The following KCNJ18 variants were observed in gnomAD, a reference collection of about 807,000 sequenced individuals.
The protein encoded by KCNJ18 is inward rectifier potassium channel 18.
KCNJ18 carries 16 observed loss-of-function variants against 17.3 expected under a neutral mutation model. The observed-to-expected ratio is 0.92, with a 90% confidence interval of 0.62 to 1.40. The LOEUF (loss-of-function observed/expected upper bound fraction) is 1.40, where lower values mean the gene tolerates loss of function less well. Among genes scored for constraint, KCNJ18 ranks in the 40% most tolerant of loss-of-function variants. The pLI, the probability that KCNJ18 is intolerant of heterozygous loss-of-function variation, is 0.00. For missense variants in KCNJ18, 462 were observed against 626.8 expected, an observed-to-expected ratio of 0.74 and a Z score of 2.81; for synonymous variants, 185 against 262.6, an observed-to-expected ratio of 0.70 and a Z score of 2.86.
In KCNJ18 at chr17:21,704,275, C is replaced by T; in HGVS notation, c.*187C>T. On this transcript the variant is annotated 3_prime_UTR_variant, in exon 3 of 3. Coordinates refer to ENST00000567955, the MANE Select transcript of KCNJ18 (RefSeq NM_001194958.2). ...GCCGGAGAGGGGGCAGCCAGAGCGGCAGCCCCCGGCCTCAGAGGCTATCAC... is the reference window on the plus strand; with the variant it reads ...GCCGGAGAGGGGGCAGCCAGAGCGGTAGCCCCCGGCCTCAGAGGCTATCAC... The T allele has an allele frequency of 1.4e-6, 1 of 718,058 alleles. No homozygotes were observed. The highest frequency in any genetic ancestry group is 2.2e-6 in the Non-Finnish European group (1 of 449,236). 44.5% of individuals were successfully genotyped at this position (718,058 alleles called of 1,614,324 possible).
At chr17:21,694,204 C>G (rs1440967735) in intron 1 of KCNJ18, among the ~76,000 whole-genome samples, 1 of 129,966 alleles carries the variant, frequency 7.7e-6, no homozygotes, top group Non-Finnish European at 1.7e-5. Context: ...AAACCAGCCT[C>G]GGCTGTAACC....
intron 1 of KCNJ18, among the ~76,000 whole-genome samples, chr17:21,693,301 G>A (rs1318538436): frequency 3.9e-5 from 6 of 152,290 alleles, no homozygotes; most frequent in Admixed American, 6.5e-5. Context: ...CCTGTGTAGA[G>A]TAGAGCTAAT....
Position 21,702,719 on chromosome 17 carries a change from T to C in KCNJ18, c.-56-12T>C. The C allele has an allele frequency of 2.0e-6, 3 of 1,511,490 alleles. No homozygotes were observed. The highest frequency in any genetic ancestry group is 2.7e-6 in the Non-Finnish European group (3 of 1,125,206). The allele number at this position is 1,511,490 out of a possible 1,614,324, so 93.6% of individuals were successfully genotyped here. A position where few individuals can be genotyped will look rare whatever the true frequency, so the allele number is the denominator to read the frequency against. On this transcript the variant is annotated splice_polypyrimidine_tract_variant and intron_variant, in intron 2 of 2. Coordinates refer to ENST00000567955, the MANE Select transcript of KCNJ18 (RefSeq NM_001194958.2). ...ACCAGCCCAGCCAGACATGCTGTCC[T>C]CTCTGTTCCAGGAGCCGCCCTGCCT...
intron 2 of KCNJ18, among the ~76,000 whole-genome samples, chr17:21,699,657 T>G (rs1905873374): frequency 6.6e-6 from 1 of 152,298 alleles, no homozygotes; most frequent in South Asian, 2.1e-4. Flanking sequence ...GAACTTGACC[T>G]TGTTGATGCT....
chr17:21,694,590 A>G (rs1442737276), intron 1 of KCNJ18, among the ~76,000 whole-genome samples: 8,970 of 149,256 alleles, frequency 0.06, 618 homozygotes, highest in African/African-American at 0.21. Flanking sequence ...CCATCCATCT[A>G]TCCATCTACC....
chr17:21,693,321 C>T (rs1416752479), intron 1 of KCNJ18, among the ~76,000 whole-genome samples: 6 of 152,388 alleles, frequency 3.9e-5, no homozygotes, highest in Middle Eastern at 3.4e-3. Flanking sequence ...TTTTGCCTTC[C>T]TCCTAGATAA....
chr17:21,693,412 G>C (rs1254573239), intron 1 of KCNJ18, among the ~76,000 whole-genome samples: 1 of 152,312 alleles, frequency 6.6e-6, no homozygotes, highest in African/African-American at 2.4e-5. Flanking sequence ...GGGAGAGCCT[G>C]GTGCAAGCCA....
chr17:21,703,153 T>C lies in KCNJ18; in HGVS notation c.367T>C (p.Cys123Arg), dbSNP rs1327396371. ...GGCTGAGGGCCACGGCCGCACACCC[T>C]GTGTGATGCAGGTGCACGGCTTCAT... ...EPAEGHGRTP[C>R]VMQVHGFMAA... The change falls in exon 3 of 3, where the codon TGT (cysteine) becomes CGT (arginine). Residue 123 changes from cysteine to arginine, a missense_variant. This residue lies in a region of KCNJ18 where 237 missense variants were observed against 259.4 expected (regional missense o/e 0.91). Transcript: ENST00000567955. The C allele has an allele frequency of 5.0e-6, 8 of 1,610,882 alleles. No homozygotes were observed. The African/African-American group carries it at 5.3e-5, about 11-fold the overall frequency.
In KCNJ18 at chr17:21,703,563, G is replaced by C; in HGVS notation, c.777G>C (p.Leu259=). 6.2e-7 allele frequency: 1 copy of C among 1,612,520 alleles called. No individual in the cohort carries two copies. The highest frequency in any genetic ancestry group is 8.5e-7 in the Non-Finnish European group (1 of 1,179,422). ...TCGATGTGGGCTTCGACAAGGGCCT[G>C]GACCGCATCTTTCTGGTGTCGCCCA... ...IDIDVGFDKG[L]DRIFLVSPIT... is the part of the protein sequence containing the mutation. Residue 259 remains leucine (L), a synonymous_variant, in exon 3 of 3, where the codon CTG becomes CTC. Transcript: ENST00000567955.
At position 21,692,603 on chromosome 17, in the gene KCNJ18, T is replaced by A. The variant is rs1905631816; in HGVS notation, c.-290T>A. 6.6e-6 allele frequency: 1 copy of A among 152,342 alleles called. No homozygotes were observed. The highest frequency in any genetic ancestry group is 2.4e-5 in the African/African-American group (1 of 41,488). The allele number at this position is 152,342 out of a possible 1,614,324, so 9.4% of individuals were successfully genotyped here. A position where few individuals can be genotyped will look rare whatever the true frequency, so the allele number is the denominator to read the frequency against. ...GTTTCTGCTTTCAGTGCCTACGTGG[T>A]GTCAGGAACGCCGGTCACAGTGAAC... On this transcript the variant is annotated 5_prime_UTR_variant, in exon 1 of 3. Coordinates refer to ENST00000567955, the MANE Select transcript of KCNJ18 (RefSeq NM_001194958.2).
At chr17:21,700,624 C>T (rs1196784036) in intron 2 of KCNJ18, among the ~76,000 whole-genome samples, 5 of 111,080 alleles carry the variant, frequency 4.5e-5, no homozygotes, top group Non-Finnish European at 9.6e-5. Flanking sequence ...TGCTCCGAGG[C>T]CCAGACTAGT....
At position 21,703,582 on chromosome 17, in the gene KCNJ18, T is replaced by C. The variant is rs1906053762; in HGVS notation, c.796T>C (p.Ser266Pro). 2.5e-6 allele frequency: 4 copies of C among 1,612,852 alleles called. No individual in the cohort carries two copies. The highest frequency in any genetic ancestry group is 2.5e-6 in the Non-Finnish European group (3 of 1,179,496). ...GGGCCTGGACCGCATCTTTCTGGTG[T>C]CGCCCATCACCATCTTGCATGAAAT... ...DKGLDRIFLV[S>P]PITILHEIDE... Residue 266 changes from serine (S) to proline (P), a missense_variant, in exon 3 of 3, where the codon TCG becomes CCG. Physicochemically the swap from Ser to Pro is moderately conservative, Grantham distance 74 (BLOSUM62 -1). This residue lies in a region of KCNJ18 where 55 missense variants were observed against 69.1 expected (regional missense o/e 0.80). Coordinates refer to ENST00000567955, the MANE Select transcript of KCNJ18 (RefSeq NM_001194958.2).
chr17:21,696,945 A>G (rs1444680078), intron 2 of KCNJ18, among the ~76,000 whole-genome samples: 2 of 152,212 alleles, frequency 1.3e-5, no homozygotes, highest in Admixed American at 6.5e-5. Flanking sequence ...GGTGAGAAAG[A>G]GAAGGAAGTG....
intron 2 of KCNJ18, among the ~76,000 whole-genome samples, chr17:21,699,663 A>G (rs1207025768): frequency 6.6e-6 from 1 of 152,298 alleles, no homozygotes; most frequent in Non-Finnish European, 1.5e-5. Flanking sequence ...GACCTTGTTG[A>G]TGCTCTCTGT....
chr17:21,701,719 T>C (rs1597757340), intron 2 of KCNJ18, among the ~76,000 whole-genome samples: 1 of 152,208 alleles, frequency 6.6e-6, no homozygotes, highest in Non-Finnish European at 1.5e-5. Context: ...GAGACCAGCC[T>C]GGCCAACATG....
In KCNJ18 at chr17:21,703,631, G is replaced by T. The variant is rs2142273778; in HGVS notation, c.845G>T (p.Gly282Val). 8.1e-6 allele frequency: 13 copies of T among 1,610,112 alleles called. No homozygotes were observed. In the East Asian group the frequency reaches 2.9e-4, roughly 36 times the overall value. ...ATTGACGAGGCCAGCCCGCTCTTCGGCATCAGCCGGCAGGACCTGGAGACG... is the reference window on the plus strand; with the variant it reads ...ATTGACGAGGCCAGCCCGCTCTTCGTCATCAGCCGGCAGGACCTGGAGACG... ...HEIDEASPLFGISRQDLETDD... is the reference protein window; with the variant it reads ...HEIDEASPLFVISRQDLETDD... The change falls in exon 3 of 3, where the codon GGC becomes GTC. Residue 282 changes from glycine to valine, a missense_variant. Around this residue, in one of 5 missense-constraint regions of KCNJ18, gnomAD observed 55 missense variants for 69.1 expected, o/e 0.80. Transcript: ENST00000567955.
At chr17:21,698,984 A>T (rs1365267551) in intron 2 of KCNJ18, among the ~76,000 whole-genome samples, 4 of 152,042 alleles carry the variant, frequency 2.6e-5, no homozygotes, top group African/African-American at 9.7e-5. Context: ...CCTCCCGGCG[A>T]CCCTGGGACC....
rs1451232398 is a variant in KCNJ18 at position 21,704,172 on chromosome 17, C to T, written c.*84C>T. The T allele has an allele frequency of 3.8e-5, 53 of 1,396,876 alleles. No individual in the cohort carries two copies. Among genetic ancestry groups the T allele is most frequent in the East Asian group, 3.3e-4 (13 of 39,906 alleles). 86.5% of individuals were successfully genotyped at this position (1,396,876 alleles called of 1,614,324 possible). A position where few individuals can be genotyped will look rare whatever the true frequency, so the allele number is the denominator to read the frequency against. ...TCAGGGGCCCTGGGTTTGAGCAGAA[C>T]GGGCCCAGTGCCCTGGGTTGCAGAC... On this transcript the variant is annotated 3_prime_UTR_variant, in exon 3 of 3. Coordinates refer to ENST00000567955, the MANE Select transcript of KCNJ18 (RefSeq NM_001194958.2).
rs1288253035 is a variant in KCNJ18, at chr17:21,704,173, G to C, written c.*85G>C. ...CAGGGGCCCTGGGTTTGAGCAGAAC[G>C]GGCCCAGTGCCCTGGGTTGCAGACT... On this transcript the variant is annotated 3_prime_UTR_variant, in exon 3 of 3. Coordinates refer to ENST00000567955, the MANE Select transcript of KCNJ18 (RefSeq NM_001194958.2). 1 of 1,381,668 alleles carries C rather than the reference G, an allele frequency of 7.2e-7. No individual in the cohort carries two copies. The highest frequency in any genetic ancestry group is 9.6e-7 in the Non-Finnish European group (1 of 1,038,812). 85.6% of individuals were successfully genotyped at this position (1,381,668 alleles called of 1,614,324 possible).
Sources: allele counts gnomAD v4.1 joint callset (sites outside exome capture counted in the v4.1 genomes callset), GRCh38; gene constraint gnomAD v4.1.1; regional missense constraint gnomAD v4.1.1; transcripts MANE v1.5; gene names NCBI Gene and HGNC (gene_info 2026-07-23, HGNC 2026-07-21).